Variants in ITGB1BP1 observed in about 807,000 individuals in gnomAD.
ITGB1BP1 encodes the protein integrin beta-1-binding protein 1.
Under a neutral mutation model 28.0 loss-of-function variants are expected in ITGB1BP1, and 20 were observed. The ratio of observed to expected loss-of-function variants is 0.71; its 90% confidence interval spans 0.50 to 1.04. ITGB1BP1 has a LOEUF of 1.04. ITGB1BP1 is among the 50% of genes least tolerant of loss of function. The pLI, the probability that ITGB1BP1 is intolerant of heterozygous loss-of-function variation, is 0.00. For synonymous variants in ITGB1BP1, 103 were observed against 89.5 expected, an observed-to-expected ratio of 1.15 and a Z score of -0.85; for missense variants, 228 against 242.5, an observed-to-expected ratio of 0.94 and a Z score of 0.40.
At chr2:9,409,625 G>A (rs1053500257) in intron 4 of ITGB1BP1, among the ~76,000 whole-genome samples, 1 of 151,962 alleles carries the variant, frequency 6.6e-6, no homozygotes, top group Admixed American at 6.6e-5. Context: ...GCGAAATCAC[G>A]CATATAACAA....
At position 9,408,206 on chromosome 2, in the gene ITGB1BP1, C is replaced by T. The variant is rs775154417; in HGVS notation, c.289-1G>A. The T allele has an allele frequency of 7.7e-6, 12 of 1,558,858 alleles. No homozygotes were observed. On this transcript the variant is annotated splice_acceptor_variant, in intron 4 of 6. Transcript: ENST00000355346. LOFTEE classifies it high-confidence loss of function. ...GAACAAAAGGCAACTTTCCATCTTG[C>T]TTTAAAGTAAAAATAAATTCCATGA...
Position 9,404,572 on chromosome 2 carries a change from C to CT in ITGB1BP1, c.*2261dup, listed in dbSNP as rs1315769399. ...TAGGAATATTGGAAATTTTGGCACT[C>CT]TGAGAATAAATAGGCATATGATACC... is the stretch of plus-strand genomic sequence containing the variant. On this transcript the variant is annotated 3_prime_UTR_variant, in exon 7 of 7. Coordinates refer to ENST00000355346, the MANE Select transcript of ITGB1BP1 (RefSeq NM_004763.5). The CT allele has an allele frequency of 3.3e-5, 5 of 152,412 alleles. No homozygotes were observed. Among genetic ancestry groups the CT allele is most frequent in the African/African-American group, 1.2e-4 (5 of 41,402 alleles). 9.4% of individuals were successfully genotyped at this position (152,412 alleles called of 1,614,324 possible).
At position 9,412,316 on chromosome 2, in the gene ITGB1BP1, C is replaced by A; in HGVS notation, c.241G>T (p.Gly81Cys). Residue 81 changes from glycine (G) to cysteine (C), a missense_variant, in exon 4 of 7, where the codon GGC becomes TGC. Physicochemically the swap from Gly to Cys is radical, Grantham distance 159. This residue lies in a region of ITGB1BP1 where 192 missense variants were observed against 181.6 expected (regional missense o/e 1.06). Transcript: ENST00000355346. Reference protein sequence around the residue: ...IEKLKLSEGKGLEGPLDLINY... With the variant: ...IEKLKLSEGKCLEGPLDLINY... Reference sequence around the variant, plus strand: ...ATCAGGTCTAATGGCCCTTCAAGGCCTTTTCCCTCGGAGAGTTTCAGTTTC... The same window carrying A: ...ATCAGGTCTAATGGCCCTTCAAGGCATTTTCCCTCGGAGAGTTTCAGTTTC... The A allele has an allele frequency of 6.2e-7, 1 of 1,612,752 alleles. No homozygotes were observed. Among genetic ancestry groups the A allele is most frequent in the Middle Eastern group, 1.7e-4 (1 of 6,058 alleles).
At position 9,405,796 on chromosome 2, in the gene ITGB1BP1, A is replaced by G. The variant is rs1677195559; in HGVS notation, c.*1038T>C. 1 of 152,214 alleles carries G rather than the reference A, an allele frequency of 6.6e-6. No homozygotes were observed. Among genetic ancestry groups the G allele is most frequent in the Non-Finnish European group, 1.5e-5 (1 of 68,050 alleles). The allele number at this position is 152,214 out of a possible 1,614,324, so 9.4% of individuals were successfully genotyped here. A position where few individuals can be genotyped will look rare whatever the true frequency, so the allele number is the denominator to read the frequency against. The stretch of plus-strand genomic sequence containing the variant: ...TTACATACTTTTAGCATGAGCGGTA[A>G]TCTTTTAAGGTTCTCTTAACTCTAG... On this transcript the variant is annotated 3_prime_UTR_variant, in exon 7 of 7. Coordinates refer to ENST00000355346, the MANE Select transcript of ITGB1BP1 (RefSeq NM_004763.5).
chr2:9,420,955 G>A (rs891243314), intron 1 of ITGB1BP1, among the ~76,000 whole-genome samples: 7 of 152,172 alleles, frequency 4.6e-5, no homozygotes, highest in Non-Finnish European at 1.0e-4. Flanking sequence ...CTGCAAAGGG[G>A]AACCTTACCA....
chr2:9,409,851 T>C (rs1488020594), intron 4 of ITGB1BP1, among the ~76,000 whole-genome samples: 1 of 150,776 alleles, frequency 6.6e-6, no homozygotes, highest in East Asian at 1.9e-4. Flanking sequence ...CTTTTTTTTT[T>C]TTTTTTTTTT....
chr2:9,419,475 T>C (rs1239585142), intron 1 of ITGB1BP1, among the ~76,000 whole-genome samples: 1 of 152,210 alleles, frequency 6.6e-6, no homozygotes, highest in Non-Finnish European at 1.5e-5. Flanking sequence ...AGTTTTGAAA[T>C]ACCTTTAAGT....
chr2:9,409,785 T>C (rs1678058695), intron 4 of ITGB1BP1, among the ~76,000 whole-genome samples: 1 of 152,076 alleles, frequency 6.6e-6, no homozygotes, highest in South Asian at 2.1e-4. Flanking sequence ...GGAATGACTT[T>C]ATATTCCCAA....
chr2:9,407,943 G>T, intron 5 of ITGB1BP1, 170 bp downstream of exon 5: 1 of 591,350 alleles, frequency 1.7e-6, no homozygotes, highest in Non-Finnish European at 3.0e-6. Context: ...GAGAGAAAAG[G>T]AAGCCCCTAT....
intron 4 of ITGB1BP1, 155 bp downstream of exon 4, chr2:9,412,114 G>T: frequency 3.1e-6 from 2 of 642,318 alleles, no homozygotes; most frequent in African/African-American, 1.8e-5. Flanking sequence ...GCAGCTCAGC[G>T]CTCACGCACA....
intron 4 of ITGB1BP1, chr2:9,411,967 G>A (rs893851782): frequency 1.7e-4 from 40 of 240,018 alleles, no homozygotes; most frequent in African/African-American, 9.1e-4. Flanking sequence ...GCTTGAAGCC[G>A]GGAGGCGGAG....
At position 9,423,488 on chromosome 2, in the gene ITGB1BP1, C is replaced by T; in HGVS notation, c.-151G>A. 1 of 1,195,014 alleles carries T rather than the reference C, an allele frequency of 8.4e-7. No individual in the cohort carries two copies. The highest frequency in any genetic ancestry group is 2.8e-4 in the Middle Eastern group (1 of 3,622). 74.0% of individuals were successfully genotyped at this position (1,195,014 alleles called of 1,614,324 possible). A position where few individuals can be genotyped will look rare whatever the true frequency, so the allele number is the denominator to read the frequency against. On this transcript the variant is annotated 5_prime_UTR_variant, in exon 1 of 7. Transcript: ENST00000355346. Reference sequence around the variant, plus strand: ...CCCGCTCCAGCGCCGGCTTTTCCAGCCCTCCTGCCCACGTCCGCCGGGCCG... The same window carrying T: ...CCCGCTCCAGCGCCGGCTTTTCCAGTCCTCCTGCCCACGTCCGCCGGGCCG...
rs1326960060 is a variant in ITGB1BP1, at chr2:9,406,618, G to A, written c.*216C>T. On this transcript the variant is annotated 3_prime_UTR_variant, in exon 7 of 7. Coordinates refer to ENST00000355346, the MANE Select transcript of ITGB1BP1 (RefSeq NM_004763.5). ...TTAGAAGTTGAAAAAGACAAATGAAGTTTTTTAGCCCAGAAAATAGATGAC... is the reference window on the plus strand; with the variant it reads ...TTAGAAGTTGAAAAAGACAAATGAAATTTTTTAGCCCAGAAAATAGATGAC... The A allele has an allele frequency of 1.4e-5, 8 of 558,800 alleles. No homozygotes were observed. Among genetic ancestry groups the A allele is most frequent in the Non-Finnish European group, 2.6e-5 (8 of 313,478 alleles). 34.6% of individuals were successfully genotyped at this position (558,800 alleles called of 1,614,324 possible).
intron 1 of ITGB1BP1, among the ~76,000 whole-genome samples, chr2:9,419,491 C>T (rs1425120267): frequency 6.6e-6 from 1 of 152,198 alleles, no homozygotes; most frequent in Non-Finnish European, 1.5e-5. Flanking sequence ...TAAGTAAAAG[C>T]TGACACAAAG....
At chr2:9,407,317 ATAT>A in intron 6 of ITGB1BP1, 129 bp downstream of exon 6, 1 of 1,032,686 alleles carries the variant, frequency 9.7e-7, no homozygotes, top group Non-Finnish European at 1.4e-6. Flanking sequence ...CTCCGGCCTA[ATAT>A]TCATTCACTA....
intron 4 of ITGB1BP1, among the ~76,000 whole-genome samples, chr2:9,410,479 C>T (rs1370479941): frequency 6.6e-6 from 1 of 152,054 alleles, no homozygotes; most frequent in East Asian, 1.9e-4. Flanking sequence ...ACTGTGTCAC[C>T]CAGGGCTGGA....
In ITGB1BP1 at chr2:9,415,982, C is replaced by T. The variant is rs985576082; in HGVS notation, c.73-1726G>A. On this transcript the variant is annotated intron_variant, in intron 2 of 6. Coordinates refer to ENST00000355346, the MANE Select transcript of ITGB1BP1 (RefSeq NM_004763.5). This position sits in a 1 kb window ranked among gnomAD's most constrained non-coding sequence, Gnocchi z 4.1. The stretch of plus-strand genomic sequence containing the variant: ...CCTGAGGGGGCCTTGTGCGACCCTG[C>T]GAGACGCCTCCTTCTGTGCTGTGCC... Among the ~76,000 whole-genome samples the T allele has an allele frequency of 4.6e-5, 7 of 152,206 alleles. No homozygotes were observed. Among genetic ancestry groups the T allele is most frequent in the Admixed American group, 2.6e-4 (4 of 15,282 alleles).
intron 1 of ITGB1BP1, chr2:9,423,108 C>T: frequency 9.9e-7 from 1 of 1,012,682 alleles, no homozygotes; most frequent in Non-Finnish European, 1.2e-6. Flanking sequence ...CCCGCGGCCG[C>T]CCGCCTTGCC....
intron 4 of ITGB1BP1, among the ~76,000 whole-genome samples, chr2:9,411,907 T>C (rs1181862705): frequency 6.7e-6 from 1 of 149,682 alleles, no homozygotes; most frequent in Non-Finnish European, 1.5e-5. Flanking sequence ...CCGGGCATGG[T>C]GGCGGGCGCC....
Sources: allele counts gnomAD v4.1 joint callset (sites outside exome capture counted in the v4.1 genomes callset), GRCh38; gene constraint gnomAD v4.1.1; regional missense constraint gnomAD v4.1.1; non-coding constraint Gnocchi (gnomAD v3.1); transcripts MANE v1.5; gene names NCBI Gene and HGNC (gene_info 2026-07-23, HGNC 2026-07-21).